The following CUBN variants were observed in gnomAD, a reference collection of about 807,000 sequenced individuals.
CUBN encodes the protein 460 kDa receptor.
Under a neutral mutation model 405.3 loss-of-function variants are expected in CUBN, and 282 were observed. The observed-to-expected ratio is 0.70, with a 90% CI of 0.63 to 0.77. The LOEUF (loss-of-function observed/expected upper bound fraction) is 0.77. CUBN is among the 30% of genes least tolerant of loss of function. The probability of loss-of-function intolerance (pLI) is 0.00; values close to 1 mark genes in which losing one functional copy is unlikely to be tolerated. For synonymous variants in CUBN, 1,684 were observed against 1,617.0 expected, an observed-to-expected ratio of 1.04 and a Z score of -0.99; for missense variants, 4,514 against 4,475.2, an observed-to-expected ratio of 1.01 and a Z score of -0.25.
At chr10:16,930,230 A>G (rs1297457998) in intron 40 of CUBN, among the ~76,000 whole-genome samples, 1 of 152,236 alleles carries the variant, frequency 6.6e-6, no homozygotes, top group Non-Finnish European at 1.5e-5. Flanking sequence ...TGAGGCCCCA[A>G]GATTATTCAA....
chr10:16,984,340 C>T (rs1833361032), intron 29 of CUBN, 61 bp from the exon 30 acceptor site: 2 of 1,512,038 alleles, frequency 1.3e-6, no homozygotes, highest in Non-Finnish European at 1.8e-6. Context: ...CAGGCCCTTG[C>T]TCTGGCTCAT....
intron 32 of CUBN, among the ~76,000 whole-genome samples, chr10:16,952,852 G>C (rs530347586): frequency 2.0e-5 from 3 of 152,302 alleles, no homozygotes; most frequent in African/African-American, 7.2e-5. Context: ...GGCGGTCACC[G>C]CTGGAGGGCG....
At chr10:16,903,904 T>A in intron 51 of CUBN, 62 bp downstream of exon 51, 1 of 1,167,788 alleles carries the variant, frequency 8.6e-7, no homozygotes, top group South Asian at 1.5e-5. Flanking sequence ...ATGAAATCTT[T>A]ATGGAAAAAA....
intron 66 of CUBN, among the ~76,000 whole-genome samples, chr10:16,825,748 C>T (rs1200315313): frequency 6.6e-6 from 1 of 150,792 alleles, no homozygotes; most frequent in Non-Finnish European, 1.5e-5. Context: ...CAAGGCACTG[C>T]CACGCTGCAG....
chr10:17,094,106 T>C (rs11254367), intron 14 of CUBN, among the ~76,000 whole-genome samples: 2,519 of 151,966 alleles, frequency 0.017, 71 homozygotes, highest in African/African-American at 0.058. Context: ...GAAAACCAGA[T>C]CTAGATACGC....
intron 25 of CUBN, 30 bp from the exon 26 acceptor site, chr10:17,044,013 G>A: frequency 6.3e-7 from 1 of 1,589,244 alleles, no homozygotes; most frequent in Non-Finnish European, 8.6e-7. Flanking sequence ...ATGTTAGATG[G>A]TTGAGACTAT....
rs192153180 is a variant in CUBN, at chr10:16,826,551, T to G, written c.10765-1469A>C. ...TCATTTATGTTTAACATTGATAAAG[T>G]GTTAAAGAAATCAGTGGTACCTTTA... On this transcript the variant is annotated intron_variant, in intron 66 of 66. Transcript: ENST00000377833. 1.2e-4 allele frequency among the ~76,000 whole-genome samples: 18 copies of G among 152,286 alleles called. No homozygotes were observed. The East Asian group carries it at 3.3e-3, about 28-fold the overall frequency.
chr10:17,009,669 G>T (rs1834125840), intron 28 of CUBN, among the ~76,000 whole-genome samples: 1 of 152,136 alleles, frequency 6.6e-6, no homozygotes, highest in Admixed American at 6.5e-5. Context: ...AATAGTCAGG[G>T]CCCCACTGCA....
intron 27 of CUBN, among the ~76,000 whole-genome samples, chr10:17,022,864 G>C (rs1044702932): frequency 6.6e-6 from 1 of 152,168 alleles, no homozygotes; most frequent in Non-Finnish European, 1.5e-5. Context: ...TTTCATTTCT[G>C]TCAGGCCTCT....
At chr10:17,057,061 G>C (rs529316811) in intron 22 of CUBN, among the ~76,000 whole-genome samples, 3 of 152,244 alleles carry the variant, frequency 2.0e-5, no homozygotes, top group Non-Finnish European at 2.9e-5. Flanking sequence ...GAAAGATGGA[G>C]AAAAGAACTG....
chr10:17,114,326 T>C (rs1218806410), intron 7 of CUBN, 137 bp from the exon 8 acceptor site: 1 of 853,416 alleles, frequency 1.2e-6, no homozygotes, highest in Non-Finnish European at 1.9e-6. Context: ...CTTCTCTTTT[T>C]CTTCCCATAT....
rs943809564 is a variant in CUBN at position 16,866,839 on chromosome 10, G to C, written c.9454+2797C>G. Among the ~76,000 whole-genome samples, 3 of 152,162 alleles carry C rather than the reference G, an allele frequency of 2.0e-5. No individual in the cohort carries two copies. The East Asian group carries it at 5.8e-4, about 29-fold the overall frequency. Reference sequence around the variant, plus strand: ...CCATGCATATGGGCCTCCAGCAGCAGAAGTTCCGAGGAAAAAGGAGACCCA... The same window carrying C: ...CCATGCATATGGGCCTCCAGCAGCACAAGTTCCGAGGAAAAAGGAGACCCA... On this transcript the variant is annotated intron_variant, in intron 59 of 66. Coordinates refer to ENST00000377833, the MANE Select transcript of CUBN (RefSeq NM_001081.4).
intron 22 of CUBN, among the ~76,000 whole-genome samples, chr10:17,059,975 T>C (rs1182958165): frequency 6.6e-6 from 1 of 152,182 alleles, no homozygotes; most frequent in Non-Finnish European, 1.5e-5. Flanking sequence ...ATCACCACAC[T>C]TTTTAGAGAG....
At position 16,950,060 on chromosome 10, in the gene CUBN, G is replaced by C. The variant is rs747701083; in HGVS notation, c.5021C>G (p.Thr1674Arg). 1 of 1,613,998 alleles carries C rather than the reference G, an allele frequency of 6.2e-7. No individual in the cohort carries two copies. The highest frequency in any genetic ancestry group is 8.5e-7 in the Non-Finnish European group (1 of 1,179,970). The change falls in exon 34 of 67, where the codon ACG (threonine) becomes AGG (arginine). Residue 1674 changes from threonine to arginine, a missense_variant. Thr to Arg is a moderately conservative substitution (Grantham distance 71). This residue lies in a region of CUBN where 1,613 missense variants were observed against 1,542.8 expected (regional missense o/e 1.05). Coordinates refer to ENST00000377833, the MANE Select transcript of CUBN (RefSeq NM_001081.4). ...AATTTCTACAAAGTCACGTGCACAC[G>C]TTGTGCTTCTTTCAAGTTCAAAGTG... is the stretch of plus-strand genomic sequence containing the variant. ...FTHFELERSTTCARDFVEILD... is the reference protein window; with the variant it reads ...FTHFELERSTRCARDFVEILD...
intron 38 of CUBN, 98 bp downstream of exon 38, chr10:16,938,865 A>G (rs1333826794): frequency 9.2e-6 from 10 of 1,087,886 alleles, no homozygotes; most frequent in Non-Finnish European, 1.4e-5. Flanking sequence ...ACTATCCCAC[A>G]TGATTTGCAA....
At chr10:17,062,425 A>C (rs903704323) in intron 22 of CUBN, among the ~76,000 whole-genome samples, 3 of 152,220 alleles carry the variant, frequency 2.0e-5, no homozygotes, top group African/African-American at 7.2e-5. Flanking sequence ...ACATTAGTCA[A>C]TTATAGTCTC....
At chr10:17,026,639 A>AAAAAT (rs1554811817) in intron 27 of CUBN, among the ~76,000 whole-genome samples, 2 of 148,990 alleles carry the variant, frequency 1.3e-5, no homozygotes, top group Non-Finnish European at 3.0e-5. Flanking sequence ...CTCAAAAAAA[A>AAAAAT]AAATAAATAA....
chr10:16,927,958 G>A (rs1419921158), intron 41 of CUBN, among the ~76,000 whole-genome samples, 199 bp downstream of exon 41: 3 of 152,094 alleles, frequency 2.0e-5, no homozygotes, highest in Non-Finnish European at 4.4e-5. Flanking sequence ...ACTTTTGTAC[G>A]ACTTGGCCCC....
chr10:17,044,655 ATATTATCTTCT>A (rs1835084133), intron 25 of CUBN, among the ~76,000 whole-genome samples: 2 of 152,184 alleles, frequency 1.3e-5, no homozygotes, highest in African/African-American at 4.8e-5. Context: ...GGAATGACTC[ATATTATCTTCT>A]CTACTTCGCC....
Sources: allele counts gnomAD v4.1 joint callset (sites outside exome capture counted in the v4.1 genomes callset), GRCh38; gene constraint gnomAD v4.1.1; regional missense constraint gnomAD v4.1.1; transcripts MANE v1.5; gene names NCBI Gene and HGNC (gene_info 2026-07-23, HGNC 2026-07-21).